Variants in SEMA3E observed in about 807,000 individuals in gnomAD.
SEMA3E encodes the protein semaphorin 3E.
Under a neutral mutation model 93.6 loss-of-function variants are expected in SEMA3E, and 49 were observed. That is an observed-to-expected ratio of 0.52 (90% CI 0.42 to 0.66). The LOEUF is 0.66. SEMA3E is among the 30% of genes least tolerant of loss of function. The pLI, the probability that SEMA3E is intolerant of heterozygous loss-of-function variation, is 0.00. For synonymous variants in SEMA3E, 363 were observed against 330.7 expected (o/e 1.10, Z -1.06); for missense variants, 906 against 964.8 (o/e 0.94, Z 0.81).
At chr7:83,554,672 A>G (rs1376386614) in intron 1 of SEMA3E, among the ~76,000 whole-genome samples, 1 of 152,152 alleles carries the variant, frequency 6.6e-6, no homozygotes, top group East Asian at 1.9e-4. Flanking sequence ...AAGATTACTA[A>G]CACTTTAAAG....
intron 11 of SEMA3E, among the ~76,000 whole-genome samples, chr7:83,396,985 G>C (rs757272925): frequency 2.6e-5 from 4 of 151,788 alleles, no homozygotes; most frequent in Admixed American, 2.6e-4. Context: ...GGGAGGCTGA[G>C]GAAGGAGAAT....
At chr7:83,456,662 G>A (rs902776892) in intron 4 of SEMA3E, among the ~76,000 whole-genome samples, 2 of 147,666 alleles carry the variant, frequency 1.4e-5, no homozygotes, top group African/African-American at 2.5e-5. Flanking sequence ...TGCCCAGGCC[G>A]GAGTGCAATA....
At chr7:83,424,842 A>G in intron 4 of SEMA3E, 1 of 220,634 alleles carries the variant, frequency 4.5e-6, no homozygotes, top group Non-Finnish European at 9.3e-6. Context: ...AACTAGATCC[A>G]GAAATGCTTG....
intron 1 of SEMA3E, among the ~76,000 whole-genome samples, chr7:83,519,077 C>T (rs1162201493): frequency 1.3e-5 from 2 of 151,856 alleles, no homozygotes; most frequent in Admixed American, 6.6e-5. Flanking sequence ...CCCATTAACT[C>T]GTCATTTAGC....
chr7:83,532,835 T>C (rs1791331489), intron 1 of SEMA3E, among the ~76,000 whole-genome samples: 2 of 152,124 alleles, frequency 1.3e-5, no homozygotes, highest in South Asian at 4.1e-4. Flanking sequence ...GGCTTTATCT[T>C]GCTTCAACCA....
chr7:83,582,153 A>C (rs373341101), intron 1 of SEMA3E, among the ~76,000 whole-genome samples: 3 of 151,454 alleles, frequency 2.0e-5, no homozygotes, highest in Admixed American at 6.6e-5. Context: ...ACTATAATAA[A>C]CTAGTAATTT....
intron 5 of SEMA3E, among the ~76,000 whole-genome samples, chr7:83,417,557 A>G (rs999950251): frequency 2.6e-5 from 4 of 152,150 alleles, no homozygotes; most frequent in African/African-American, 7.2e-5. Flanking sequence ...AACCTTGCAC[A>G]TCTGCACCAT....
chr7:83,373,588 G>A (rs982834325), intron 16 of SEMA3E, among the ~76,000 whole-genome samples: 4 of 152,136 alleles, frequency 2.6e-5, no homozygotes, highest in Middle Eastern at 3.4e-3. Flanking sequence ...ATCACACTAC[G>A]TGGAGAAGAA....
chr7:83,405,416 T>C, intron 9 of SEMA3E, 34 bp downstream of exon 9: 1 of 1,480,760 alleles, frequency 6.8e-7, no homozygotes, highest in African/African-American at 1.4e-5. Context: ...TCTCTTGTTC[T>C]ATATTGTTTT....
chr7:83,366,427 AT>A lies in SEMA3E; in HGVS notation c.*1158del, dbSNP rs1794668903. ...AGTAGTTAAGTGAACTCATGAAACA[AT>A]TTTCTGTCTCTTAATATAAAAGAGA... On this transcript the variant is annotated 3_prime_UTR_variant, in exon 17 of 17. Coordinates refer to ENST00000643230, the MANE Select transcript of SEMA3E (RefSeq NM_012431.3). 4 of 151,968 alleles carry A rather than the reference AT, an allele frequency of 2.6e-5. No homozygotes were observed. In the East Asian group the frequency reaches 7.7e-4, roughly 29 times the overall value. The allele number at this position is 151,968 out of a possible 1,614,324, so 9.4% of individuals were successfully genotyped here. A position where few individuals can be genotyped will look rare whatever the true frequency, so the allele number is the denominator to read the frequency against.
chr7:83,619,908 TA>T (rs1793515727), intron 1 of SEMA3E, among the ~76,000 whole-genome samples: 2 of 121,372 alleles, frequency 1.6e-5, no homozygotes, highest in African/African-American at 5.8e-5. Context: ...GATAGACAGA[TA>T]GATAGATAGA....
intron 1 of SEMA3E, among the ~76,000 whole-genome samples, chr7:83,615,562 T>G (rs1793347166): frequency 6.6e-6 from 1 of 152,172 alleles, no homozygotes. Context: ...AAGGAAAGAT[T>G]TATAGGTTAA....
chr7:83,369,169 T>C (rs972721567), intron 16 of SEMA3E, among the ~76,000 whole-genome samples: 8 of 152,138 alleles, frequency 5.3e-5, no homozygotes, highest in African/African-American at 1.7e-4. Context: ...CCTTTGAGAA[T>C]ACAAAAATGA....
chr7:83,608,700 G>A (rs1793180341), intron 1 of SEMA3E, among the ~76,000 whole-genome samples: 1 of 151,998 alleles, frequency 6.6e-6, no homozygotes, highest in South Asian at 2.1e-4. Flanking sequence ...AAATATTCAT[G>A]GATTGTCTTT....
intron 15 of SEMA3E, among the ~76,000 whole-genome samples, chr7:83,386,466 T>C (rs1377867101): frequency 6.6e-6 from 1 of 152,144 alleles, no homozygotes; most frequent in Non-Finnish European, 1.5e-5. Context: ...CCTCCATTCC[T>C]AACCCATCAG....
chr7:83,586,986 T>C (rs1792642495), intron 1 of SEMA3E, among the ~76,000 whole-genome samples: 2 of 152,166 alleles, frequency 1.3e-5, no homozygotes, highest in African/African-American at 2.4e-5. Context: ...ATTTTGTACA[T>C]TGAAGGCTGT....
At chr7:83,578,610 G>A (rs959593163) in intron 1 of SEMA3E, among the ~76,000 whole-genome samples, 4 of 152,046 alleles carry the variant, frequency 2.6e-5, no homozygotes, top group Non-Finnish European at 5.9e-5. Flanking sequence ...GACCAACACA[G>A]AAAATTGTTT....
chr7:83,607,072 A>T (rs978145007), intron 1 of SEMA3E, among the ~76,000 whole-genome samples: 2 of 152,124 alleles, frequency 1.3e-5, no homozygotes, highest in East Asian at 3.9e-4. Flanking sequence ...TGCAACTGGA[A>T]ATAGTTCCTA....
chr7:83,610,823 TA>T (rs1793236970), intron 1 of SEMA3E, among the ~76,000 whole-genome samples: 2 of 152,082 alleles, frequency 1.3e-5, no homozygotes, highest in Admixed American at 1.3e-4. Flanking sequence ...ACCCTGCTGG[TA>T]ACTAGATCTC....
Sources: gnomAD v4.1 joint callset for allele counts (sites outside exome capture counted in the v4.1 genomes callset) on GRCh38, gnomAD v4.1.1 for gene constraint, MANE v1.5 for transcripts, NCBI Gene and HGNC (gene_info 2026-07-23, HGNC 2026-07-21) for gene names.